Variants in CCSER2 observed in about 807,000 individuals in gnomAD.
CCSER2 encodes the protein serine-rich coiled-coil domain-containing protein 2.
In CCSER2, 46 loss-of-function variants were observed where a neutral mutation model predicts 92.3. The observed-to-expected ratio is 0.50, with a 90% CI of 0.39 to 0.64. CCSER2 has a LOEUF of 0.64. CCSER2 is among the 30% of genes least tolerant of loss of function. CCSER2 has a pLI of 0.00. For synonymous variants in CCSER2, 433 were observed against 431.4 expected (o/e 1.00, Z -0.04); for missense variants, 1,244 against 1,238.9 (o/e 1.00, Z -0.06).
chr10:84,443,331 A>G (rs1436889443), intron 6 of CCSER2, among the ~76,000 whole-genome samples: 1 of 152,220 alleles, frequency 6.6e-6, no homozygotes, highest in Non-Finnish European at 1.5e-5. Flanking sequence ...AAAAGTGGGC[A>G]AAGGATATGA....
chr10:84,474,150 T>C (rs1846988180), intron 8 of CCSER2, among the ~76,000 whole-genome samples: 1 of 152,224 alleles, frequency 6.6e-6, no homozygotes, highest in Non-Finnish European at 1.5e-5. Flanking sequence ...ACATTTCTCA[T>C]TGACTCTTCA....
intron 9 of CCSER2, among the ~76,000 whole-genome samples, chr10:84,511,654 C>A (rs745947762): frequency 6.6e-6 from 1 of 152,178 alleles, no homozygotes; most frequent in Non-Finnish European, 1.5e-5. Flanking sequence ...ACCAATTGAT[C>A]GTGCCTCCTT....
rs924773151 is a variant in CCSER2 at position 84,443,426 on chromosome 10, A to T, written c.2064+4719A>T. Among the ~76,000 whole-genome samples the T allele has an allele frequency of 2.0e-5, 3 of 152,244 alleles. No individual in the cohort carries two copies. In the East Asian group the frequency reaches 5.8e-4, roughly 29 times the overall value. Reference sequence around the variant, plus strand: ...ATCACTGGTCATTAAAGAAATGCAAATTAAAACCACAATGAGATACCATCT... The same window carrying T: ...ATCACTGGTCATTAAAGAAATGCAATTTAAAACCACAATGAGATACCATCT... On this transcript the variant is annotated intron_variant, in intron 6 of 9. Transcript: ENST00000372088.
intron 3 of CCSER2, among the ~76,000 whole-genome samples, chr10:84,375,375 A>G (rs1370981342): frequency 6.6e-6 from 1 of 152,192 alleles, no homozygotes; most frequent in African/African-American, 2.4e-5. Context: ...GGAGAAGATG[A>G]CAAAGTCTGA....
At chr10:84,482,581 C>T (rs546092260) in intron 9 of CCSER2, among the ~76,000 whole-genome samples, 2 of 152,190 alleles carry the variant, frequency 1.3e-5, no homozygotes, top group South Asian at 2.1e-4. Flanking sequence ...ATATTCTGCA[C>T]GTTAAGTAAA....
At chr10:84,403,381 CAA>C (rs2133325189) in intron 3 of CCSER2, among the ~76,000 whole-genome samples, 1 of 152,094 alleles carries the variant, frequency 6.6e-6, no homozygotes, top group South Asian at 2.1e-4. Context: ...TAGGGCTAAG[CAA>C]AGAGTTCTTT....
At chr10:84,423,783 G>A (rs1843274776) in intron 4 of CCSER2, among the ~76,000 whole-genome samples, 1 of 152,030 alleles carries the variant, frequency 6.6e-6, no homozygotes, top group Non-Finnish European at 1.5e-5. Context: ...GGTCTTAACT[G>A]AATCTATGAA....
At chr10:84,470,013 A>ATTTTTTTTTTTT (rs67106487) in intron 7 of CCSER2, among the ~76,000 whole-genome samples, 1 of 96,524 alleles carries the variant, frequency 1.0e-5, no homozygotes, top group Non-Finnish European at 2.1e-5. Flanking sequence ...TTTGTATGTG[A>ATTTTTTTTTTTT]TTTTTTTTTT....
intron 9 of CCSER2, among the ~76,000 whole-genome samples, chr10:84,492,828 C>G (rs1267128810): frequency 2.6e-5 from 4 of 151,982 alleles, no homozygotes; most frequent in African/African-American, 9.7e-5. Flanking sequence ...GTATGTAGTT[C>G]TTTTTATATA....
chr10:84,391,431 G>A, intron 3 of CCSER2: 1 of 1,554,944 alleles, frequency 6.4e-7, no homozygotes, highest in Non-Finnish European at 8.9e-7. Flanking sequence ...GTTCGACAGA[G>A]TTATTTTGCC....
chr10:84,388,988 G>A (rs11201017), intron 3 of CCSER2, among the ~76,000 whole-genome samples: 39,565 of 151,976 alleles, frequency 0.26, 6,347 homozygotes, highest in East Asian at 0.39. Flanking sequence ...TTGGAAACAA[G>A]AACATTTTCC....
chr10:84,477,077 CAGTTT>C (rs1447324936), intron 8 of CCSER2, among the ~76,000 whole-genome samples: 19 of 152,288 alleles, frequency 1.2e-4, no homozygotes, highest in Admixed American at 1.2e-3. Flanking sequence ...AGTACCATGA[CAGTTT>C]AGGGAAATAC....
chr10:84,513,400 G>C, intron 9 of CCSER2, 49 bp from the exon 10 acceptor site: 1 of 1,358,514 alleles, frequency 7.4e-7, no homozygotes, highest in Non-Finnish European at 1.0e-6. Context: ...ATTAAATCTG[G>C]GTGGAATTTC....
At chr10:84,352,877 G>A (rs531767848) in intron 1 of CCSER2, among the ~76,000 whole-genome samples, 14 of 151,952 alleles carry the variant, frequency 9.2e-5, no homozygotes, top group African/African-American at 3.4e-4. Context: ...TGCAACCTCC[G>A]CCTTTTAGGT....
At position 84,371,367 on chromosome 10, in the gene CCSER2, T is replaced by A. The variant is rs1249941382; in HGVS notation, c.315T>A (p.Phe105Leu). Residue 105 changes from phenylalanine (F) to leucine (L), a missense_variant, in exon 2 of 10, where the codon TTT (phenylalanine) becomes TTA (leucine). Phe to Leu is a conservative substitution (Grantham distance 22). Transcript: ENST00000372088. ...PEKRVPTQGM[F>L]DKNGIKGGLK... ...AACGTGTTCCTACTCAAGGAATGTTTGATAAAAATGGGATAAAGGGAGGTT... is the reference window on the plus strand; with the variant it reads ...AACGTGTTCCTACTCAAGGAATGTTAGATAAAAATGGGATAAAGGGAGGTT... The A allele has an allele frequency of 6.2e-7, 1 of 1,613,616 alleles. No homozygotes were observed. The highest frequency in any genetic ancestry group is 8.5e-7 in the Non-Finnish European group (1 of 1,179,824).
At chr10:84,385,004 A>AACAC (rs56977232) in intron 3 of CCSER2, among the ~76,000 whole-genome samples, 1,877 of 145,848 alleles carry the variant, frequency 0.013, 12 homozygotes, top group African/African-American at 0.026. Context: ...ATTTACAATA[A>AACAC]ACACACACAC....
At chr10:84,475,427 ATAT>A (rs756647918) in intron 8 of CCSER2, among the ~76,000 whole-genome samples, 2 of 152,190 alleles carry the variant, frequency 1.3e-5, no homozygotes, top group African/African-American at 2.4e-5. Flanking sequence ...TATTTGCCAA[ATAT>A]TATTTTTCAT....
rs1299142919 is a variant in CCSER2 at position 84,501,823 on chromosome 10, A to G, written c.2326-11626A>G. 2.2e-3 allele frequency among the ~76,000 whole-genome samples: 95 copies of G among 43,416 alleles called. 4 individuals carry two copies. The highest frequency in any genetic ancestry group is 0.016 in the East Asian group (17 of 1,068). 28.5% of individuals were successfully genotyped at this position (43,416 alleles called of 152,430 possible). On this transcript the variant is annotated intron_variant, in intron 9 of 9. Transcript: ENST00000372088. Reference sequence around the variant, plus strand: ...GTTTGGATGTATTAGTCATCTAGGGAAAAAAAAAAAAATATATATATATAT... The same window carrying G: ...GTTTGGATGTATTAGTCATCTAGGGGAAAAAAAAAAAATATATATATATAT...
At chr10:84,492,427 G>T (rs1211853636) in intron 9 of CCSER2, among the ~76,000 whole-genome samples, 1 of 152,146 alleles carries the variant, frequency 6.6e-6, no homozygotes, top group Non-Finnish European at 1.5e-5. Flanking sequence ...AATAGTAACA[G>T]TGTTCTCACT....
Sources: gnomAD v4.1 joint callset for allele counts (sites outside exome capture counted in the v4.1 genomes callset) on GRCh38, gnomAD v4.1.1 for gene constraint, MANE v1.5 for transcripts, NCBI Gene and HGNC (gene_info 2026-07-23, HGNC 2026-07-21) for gene names.